The following FAF1 variants were observed in gnomAD, a reference collection of about 807,000 sequenced individuals.
The protein encoded by FAF1 is Fas associated factor 1.
Under a neutral mutation model 92.5 loss-of-function variants are expected in FAF1, and 25 were observed. That is an observed-to-expected ratio of 0.27 (90% CI 0.20 to 0.38). The LOEUF is 0.38. Ranked by LOEUF, FAF1 falls within the 10% of genes least tolerant of loss-of-function variation. FAF1 has a pLI of 1.00. For synonymous variants in FAF1, 234 were observed against 273.2 expected (o/e 0.86, Z 1.42); for missense variants, 636 against 793.3 (o/e 0.80, Z 2.38).
chr1:50,604,143 G>A (rs2124111767), intron 8 of FAF1, among the ~76,000 whole-genome samples: 1 of 152,276 alleles, frequency 6.6e-6, no homozygotes, highest in African/African-American at 2.4e-5. Flanking sequence ...ATTTGGAAGA[G>A]TCCTCAGAAT....
At chr1:50,897,584 A>G (rs998359944) in intron 1 of FAF1, among the ~76,000 whole-genome samples, 4 of 152,238 alleles carry the variant, frequency 2.6e-5, no homozygotes, top group African/African-American at 9.6e-5. Context: ...GCTATAATAA[A>G]TGAGAAAAAT....
At chr1:50,802,381 C>T (rs545856291) in intron 2 of FAF1, among the ~76,000 whole-genome samples, 33 of 152,222 alleles carry the variant, frequency 2.2e-4, no homozygotes, top group Admixed American at 5.2e-4. Context: ...TGAGCCACCG[C>T]GCCCGGCCAT....
At chr1:50,865,078 CA>C (rs1644469011) in intron 1 of FAF1, among the ~76,000 whole-genome samples, 1 of 152,098 alleles carries the variant, frequency 6.6e-6, no homozygotes, top group South Asian at 2.1e-4. Flanking sequence ...CCAAAAAACA[CA>C]TGAAAAAATC....
intron 1 of FAF1, among the ~76,000 whole-genome samples, chr1:50,879,962 CCAA>C (rs748472208): frequency 5.3e-5 from 8 of 152,114 alleles, no homozygotes; most frequent in Non-Finnish European, 8.8e-5. Context: ...AAACACTGAA[CCAA>C]CAACAACAAC....
chr1:50,545,467 C>A (rs977061406), intron 13 of FAF1, among the ~76,000 whole-genome samples: 5 of 152,114 alleles, frequency 3.3e-5, no homozygotes, highest in South Asian at 2.1e-4. Context: ...TGGGGTTGCA[C>A]CATGTTGGCC....
intron 1 of FAF1, among the ~76,000 whole-genome samples, chr1:50,897,505 G>A (rs1248606991): frequency 2.0e-5 from 3 of 152,126 alleles, no homozygotes; most frequent in African/African-American, 4.8e-5. Context: ...TATTTTCAGA[G>A]GGAACTGGAC....
chr1:50,815,727 A>C (rs1485426008), intron 2 of FAF1, among the ~76,000 whole-genome samples: 2 of 152,098 alleles, frequency 1.3e-5, no homozygotes, highest in African/African-American at 2.4e-5. Flanking sequence ...TTTTACTTTT[A>C]GTAATAGCCA....
chr1:50,891,514 T>G (rs1012809090), intron 1 of FAF1, among the ~76,000 whole-genome samples: 1 of 152,194 alleles, frequency 6.6e-6, no homozygotes, highest in African/African-American at 2.4e-5. Context: ...TGGTCTTTGA[T>G]GATAGTGACA....
At chr1:50,764,652 C>T (rs1165660947) in intron 4 of FAF1, among the ~76,000 whole-genome samples, 1 of 152,188 alleles carries the variant, frequency 6.6e-6, no homozygotes, top group African/African-American at 2.4e-5. Flanking sequence ...CTGCCTAATG[C>T]CCAATGCCTG....
In FAF1 at chr1:50,588,017, T is replaced by C. The variant is rs180879577; in HGVS notation, c.841-3206A>G. Among the ~76,000 whole-genome samples the C allele has an allele frequency of 4.5e-3, 680 of 152,318 alleles. 4 individuals are homozygous for C. The highest frequency in any genetic ancestry group is 0.013 in the African/African-American group (555 of 41,574). On this transcript the variant is annotated intron_variant, in intron 9 of 18. Coordinates refer to ENST00000396153, the MANE Select transcript of FAF1 (RefSeq NM_007051.3). ...AACTAGGTATGTCAGCCAGGCATGG[T>C]GGCTCATGCCTGTAATCCCAGCACT...
At chr1:50,944,943 C>T (rs549917573) in intron 1 of FAF1, among the ~76,000 whole-genome samples, 11 of 152,274 alleles carry the variant, frequency 7.2e-5, no homozygotes, top group Admixed American at 3.3e-4. Flanking sequence ...ACGAGATAAT[C>T]CTTTTCTGGG....
At chr1:50,498,240 C>T (rs1646925728) in intron 15 of FAF1, among the ~76,000 whole-genome samples, 1 of 151,708 alleles carries the variant, frequency 6.6e-6, no homozygotes, top group Admixed American at 6.6e-5. Flanking sequence ...CTCATCATAC[C>T]TCATATTAAA....
Position 50,744,768 on chromosome 1 carries a change from A to G in FAF1, c.375T>C (p.Ile125=). The G allele has an allele frequency of 6.3e-7, 1 of 1,584,322 alleles. No individual in the cohort carries two copies. The highest frequency in any genetic ancestry group is 8.6e-7 in the Non-Finnish European group (1 of 1,157,386). Residue 125 remains isoleucine (I), a synonymous_variant, in exon 5 of 19, where the codon ATT becomes ATC. Transcript: ENST00000396153. ...GAAGTTCATTTTCTAGAATCTGTTT[A>G]ATCTCTCCTGTATAAATAAGAAGAG... ...VLEDTCTVGE[I]KQILENELQI...
At chr1:50,565,028 A>C (rs1650110480) in intron 13 of FAF1, among the ~76,000 whole-genome samples, 1 of 151,746 alleles carries the variant, frequency 6.6e-6, no homozygotes, top group Non-Finnish European at 1.5e-5. Flanking sequence ...GGTACATGTG[A>C]AGGTTTGTTA....
intron 12 of FAF1, 126 bp downstream of exon 12, chr1:50,582,492 G>T: frequency 1.6e-6 from 1 of 643,594 alleles, no homozygotes. Flanking sequence ...ATACAAATTC[G>T]TGAAGAGTTC....
chr1:50,801,397 A>C (rs1282473732), intron 3 of FAF1, among the ~76,000 whole-genome samples: 1 of 152,232 alleles, frequency 6.6e-6, no homozygotes, highest in East Asian at 1.9e-4. Context: ...CTTTCTTAAA[A>C]ATTAAAACCA....
intron 4 of FAF1, among the ~76,000 whole-genome samples, chr1:50,757,926 A>C (rs1161386158): frequency 6.6e-6 from 1 of 151,844 alleles, no homozygotes. Context: ...TTTACAACAT[A>C]ATTTTTTTTT....
At chr1:50,915,714 T>C (rs1203335374) in intron 1 of FAF1, among the ~76,000 whole-genome samples, 1 of 151,776 alleles carries the variant, frequency 6.6e-6, no homozygotes, top group Non-Finnish European at 1.5e-5. Context: ...CTTAACCTTC[T>C]TACGAGAAAA....
At chr1:50,958,825 G>A (rs949840136) in intron 1 of FAF1, among the ~76,000 whole-genome samples, 3 of 152,202 alleles carry the variant, frequency 2.0e-5, no homozygotes, top group Non-Finnish European at 4.4e-5. Context: ...TTAAAAAAGA[G>A]GGAAAAGTCT....
Sources: gnomAD v4.1 joint callset for allele counts (sites outside exome capture counted in the v4.1 genomes callset) on GRCh38, gnomAD v4.1.1 for gene constraint, MANE v1.5 for transcripts, NCBI Gene and HGNC (gene_info 2026-07-23, HGNC 2026-07-21) for gene names.